The following FANK1 variants were observed in gnomAD, a reference collection of about 807,000 sequenced individuals.
FANK1 encodes the protein fibronectin type 3 and ankyrin repeat domains protein 1.
In FANK1, 44 loss-of-function variants were observed where a neutral mutation model predicts 45.3. The ratio of observed to expected loss-of-function variants is 0.97; its 90% CI spans 0.76 to 1.25. FANK1 has a LOEUF of 1.25. Among genes scored for constraint, FANK1 ranks in the 50% most tolerant of loss-of-function variants. The probability of loss-of-function intolerance (pLI) is 0.00; values close to 1 mark genes in which losing one functional copy is unlikely to be tolerated. For missense variants in FANK1, 391 were observed against 424.4 expected, an observed-to-expected ratio of 0.92 and a Z score of 0.69; for synonymous variants, 149 against 152.5, an observed-to-expected ratio of 0.98 and a Z score of 0.17.
At chr10:125,918,556 CA>C (rs1156446362) in intron 1 of FANK1, among the ~76,000 whole-genome samples, 16 of 7,090 alleles carry the variant, frequency 2.3e-3, no homozygotes, top group South Asian at 7.0e-3. Flanking sequence ...GCCTCTGTCT[CA>C]AAAAAAAAAA....
chr10:125,972,185 A>C (rs1216461500), intron 1 of FANK1: 1 of 152,228 alleles, frequency 6.6e-6, no homozygotes, highest in Non-Finnish European at 1.5e-5. Context: ...CCACACTAGT[A>C]CATGACCCAA....
chr10:125,960,626 A>G (rs535642697), intron 1 of FANK1, among the ~76,000 whole-genome samples: 1 of 152,356 alleles, frequency 6.6e-6, no homozygotes, highest in East Asian at 1.9e-4. Flanking sequence ...TCCCGGGTTC[A>G]TGTCATTCTT....
chr10:126,006,833 C>T (rs533828673), intron 7 of FANK1, among the ~76,000 whole-genome samples: 5 of 152,322 alleles, frequency 3.3e-5, no homozygotes, highest in African/African-American at 9.6e-5. Context: ...GCACTCCAGC[C>T]TGGGTGACAG....
chr10:125,993,330 T>A (rs922529218), intron 3 of FANK1, among the ~76,000 whole-genome samples: 1 of 152,192 alleles, frequency 6.6e-6, no homozygotes, highest in Non-Finnish European at 1.5e-5. Context: ...ATACCACTTT[T>A]CTTCTCCTGG....
At chr10:125,982,566 A>G (rs887641824) in intron 2 of FANK1, among the ~76,000 whole-genome samples, 3 of 152,360 alleles carry the variant, frequency 2.0e-5, no homozygotes, top group African/African-American at 2.4e-5. Flanking sequence ...CTTTCTCTAC[A>G]TAGCATTAAA....
At chr10:125,976,415 T>A (rs1471775564) in intron 1 of FANK1, among the ~76,000 whole-genome samples, 1 of 152,234 alleles carries the variant, frequency 6.6e-6, no homozygotes, top group African/African-American at 2.4e-5. Flanking sequence ...TTTTCCAAGT[T>A]GTTTGCTTTC....
At chr10:125,909,199 T>C (rs548943014) in intron 1 of FANK1, among the ~76,000 whole-genome samples, 4 of 152,318 alleles carry the variant, frequency 2.6e-5, no homozygotes, top group Admixed American at 1.3e-4. Flanking sequence ...TTTTATAATG[T>C]AGCCTAGGAA....
intron 1 of FANK1, among the ~76,000 whole-genome samples, chr10:125,913,634 T>C (rs1262112550): frequency 1.3e-5 from 2 of 152,208 alleles, no homozygotes; most frequent in African/African-American, 4.8e-5. Flanking sequence ...TACAAAATTT[T>C]GGCACCAACA....
chr10:125,942,813 C>CTT (rs772933009), intron 1 of FANK1, among the ~76,000 whole-genome samples: 25 of 126,862 alleles, frequency 2.0e-4, no homozygotes, highest in South Asian at 5.0e-4. Flanking sequence ...TTATAATTTG[C>CTT]TTTTTTTTTT....
chr10:125,919,297 C>T (rs1946760956), intron 1 of FANK1, among the ~76,000 whole-genome samples: 1 of 140,868 alleles, frequency 7.1e-6, no homozygotes, highest in African/African-American at 2.7e-5. Context: ...CCTCCGCTTC[C>T]CGGTTTCAAG....
At chr10:125,967,486 G>A (rs556068254) in intron 1 of FANK1, among the ~76,000 whole-genome samples, 30 of 152,340 alleles carry the variant, frequency 2.0e-4, no homozygotes, top group African/African-American at 7.0e-4. Flanking sequence ...CAGGGATGTT[G>A]GATGGACTCC....
At chr10:125,996,137 T>C (rs1039179732) in intron 4 of FANK1, among the ~76,000 whole-genome samples, 3 of 152,084 alleles carry the variant, frequency 2.0e-5, no homozygotes, top group African/African-American at 7.2e-5. Flanking sequence ...CTCTACCCAG[T>C]AGGTGAGATG....
Position 126,009,370 on chromosome 10 carries a change from T to C in FANK1, c.973-3T>C. 1 of 1,614,086 alleles carries C rather than the reference T, an allele frequency of 6.2e-7. No homozygotes were observed. Among genetic ancestry groups the C allele is most frequent in the Admixed American group, 1.7e-5 (1 of 60,012 alleles). On this transcript the variant is annotated splice_region_variant and splice_polypyrimidine_tract_variant and intron_variant, in intron 10 of 10. Transcript: ENST00000368693. ...CATTCGCCTGTCTGTTTTGTTTATCTAGAGTGTAGTCTCCTTATTAGAAGA... is the reference window on the plus strand; with the variant it reads ...CATTCGCCTGTCTGTTTTGTTTATCCAGAGTGTAGTCTCCTTATTAGAAGA...
chr10:125,960,041 T>C (rs1232431230), intron 1 of FANK1, among the ~76,000 whole-genome samples: 2 of 152,242 alleles, frequency 1.3e-5, no homozygotes, highest in Non-Finnish European at 2.9e-5. Flanking sequence ...AACTCACCAA[T>C]TTCTGTAGAA....
chr10:125,905,948 A>G (rs1360599665), intron 1 of FANK1, among the ~76,000 whole-genome samples: 1 of 152,312 alleles, frequency 6.6e-6, no homozygotes, highest in African/African-American at 2.4e-5. Flanking sequence ...CTGCTTAAAA[A>G]GCCCAGAAAG....
At chr10:125,920,439 G>A (rs1181309850) in intron 1 of FANK1, among the ~76,000 whole-genome samples, 1 of 152,160 alleles carries the variant, frequency 6.6e-6, no homozygotes, top group Non-Finnish European at 1.5e-5. Flanking sequence ...GAAATTTACA[G>A]AGATTTTTTT....
At chr10:125,945,255 G>A (rs2134158382) in intron 1 of FANK1, among the ~76,000 whole-genome samples, 1 of 152,290 alleles carries the variant, frequency 6.6e-6, no homozygotes, top group Non-Finnish European at 1.5e-5. Context: ...GAGCCAAGAT[G>A]GCCGAATAGG....
At chr10:125,925,192 C>T (rs1947260277) in intron 1 of FANK1, among the ~76,000 whole-genome samples, 1 of 152,196 alleles carries the variant, frequency 6.6e-6, no homozygotes. Context: ...ATTAAATATC[C>T]TACTAGAAGC....
chr10:125,909,686 CTTTTTTTTT>C (rs34854157), intron 1 of FANK1, among the ~76,000 whole-genome samples: 4 of 103,268 alleles, frequency 3.9e-5, no homozygotes, highest in Non-Finnish European at 7.6e-5. Context: ...GACCAATTAA[CTTTTTTTTT>C]TTTTTTTTTT....
Sources: allele counts gnomAD v4.1 joint callset (sites outside exome capture counted in the v4.1 genomes callset), GRCh38; gene constraint gnomAD v4.1.1; transcripts MANE v1.5; gene names NCBI Gene and HGNC (gene_info 2026-07-23, HGNC 2026-07-21).